GNA11: variants seen among roughly 807,000 people sequenced by gnomAD.
GNA11 encodes guanine nucleotide-binding protein subunit alpha-11.
GNA11 carries 8 observed loss-of-function variants against 38.2 expected under a neutral mutation model. That is an observed-to-expected ratio of 0.21 (90% confidence interval 0.12 to 0.38). The LOEUF is 0.38. Ranked by LOEUF, GNA11 falls within the 10% of genes least tolerant of loss-of-function variation. The pLI is 1.00. For synonymous variants in GNA11, 211 were observed against 221.4 expected (o/e 0.95, Z 0.42); for missense variants, 268 against 516.3 (o/e 0.52, Z 4.66).
At chr19:3,114,785 C>T (rs551950285) in intron 3 of GNA11, among the ~76,000 whole-genome samples, 159 bp from the exon 4 acceptor site, 3 of 152,300 alleles carry the variant, frequency 2.0e-5, no homozygotes, top group Admixed American at 6.5e-5. Context: ...TCCATTGGCC[C>T]GAGCCCTCCG....
Position 3,119,920 on chromosome 19 carries a change from G to A in GNA11, c.889+561G>A, listed in dbSNP as rs1914024448. 6.6e-6 allele frequency among the ~76,000 whole-genome samples: 1 copy of A among 151,986 alleles called. No individual in the cohort carries two copies. On this transcript the variant is annotated intron_variant, in intron 6 of 6. Transcript: ENST00000078429. This position sits in a 1 kb window ranked among gnomAD's most constrained non-coding sequence, Gnocchi z 4.6. ...CCCCTGCCCCACGGGGTGTGTCAGGGCAGCTGAGCACTGAGGGTCTTCACA... is the reference window on the plus strand; with the variant it reads ...CCCCTGCCCCACGGGGTGTGTCAGGACAGCTGAGCACTGAGGGTCTTCACA...
Position 3,123,556 on chromosome 19 carries a change from G to T in GNA11, c.*2377G>T. On this transcript the variant is annotated 3_prime_UTR_variant, in exon 7 of 7. Transcript: ENST00000078429. ...ATCTCACCTGCCAACGATTTCTCGT[G>T]AGTGCCGACCACCTTCTCCGACCAT... 4.3e-6 allele frequency: 1 copy of T among 233,224 alleles called. No individual in the cohort carries two copies. Among genetic ancestry groups the T allele is most frequent in the Non-Finnish European group, 8.5e-6 (1 of 118,002 alleles). 14.4% of individuals were successfully genotyped at this position (233,224 alleles called of 1,614,324 possible). A position where few individuals can be genotyped will look rare whatever the true frequency, so the allele number is the denominator to read the frequency against.
At chr19:3,112,854 C>G (rs922940591) in intron 2 of GNA11, among the ~76,000 whole-genome samples, 1 of 152,276 alleles carries the variant, frequency 6.6e-6, no homozygotes, top group African/African-American at 2.4e-5. Context: ...GCAGGCGATG[C>G]CGCTGGTTGC....
intron 3 of GNA11, among the ~76,000 whole-genome samples, 183 bp from the exon 4 acceptor site, chr19:3,114,761 C>A (rs959803102): frequency 6.6e-6 from 1 of 152,204 alleles, no homozygotes; most frequent in African/African-American, 2.4e-5. Flanking sequence ...GGCTCGTATC[C>A]CGACCCCAGG....
intron 1 of GNA11, among the ~76,000 whole-genome samples, chr19:3,105,523 CG>C (rs1408523528): frequency 6.6e-6 from 1 of 152,068 alleles, no homozygotes; most frequent in African/African-American, 2.4e-5. Context: ...CTCATGCGGA[CG>C]GGATCCCTCC....
chr19:3,098,854 C>T (rs1913434364), intron 1 of GNA11, among the ~76,000 whole-genome samples: 1 of 152,212 alleles, frequency 6.6e-6, no homozygotes, highest in African/African-American at 2.4e-5. Context: ...GCCAGGGAGA[C>T]GTGGGGACTT....
In GNA11 at chr19:3,110,575, C is replaced by G. The variant is rs1913749789; in HGVS notation, c.321+242C>G. ...GCCCCACAGCCTCCCTCCCAAGTAG[C>G]TGTGGGCGCCCACATCCTGTGGGTG... On this transcript the variant is annotated intron_variant, in intron 2 of 6. Coordinates refer to ENST00000078429, the MANE Select transcript of GNA11 (RefSeq NM_002067.5). The surrounding 1 kb of genome is among the most constrained non-coding windows in gnomAD (Gnocchi z 5.4). Among the ~76,000 whole-genome samples the G allele has an allele frequency of 6.6e-6, 1 of 152,130 alleles. No homozygotes were observed. Among genetic ancestry groups the G allele is most frequent in the Admixed American group, 6.5e-5 (1 of 15,292 alleles).
In GNA11 at chr19:3,122,691, G is replaced by C. The variant is rs1455828080; in HGVS notation, c.*1512G>C. The stretch of plus-strand genomic sequence containing the variant: ...GCTGCCTTCGCCCGCCGCCACACCG[G>C]GACCCTGCACGGCTGCTTCTGGCCT... On this transcript the variant is annotated 3_prime_UTR_variant, in exon 7 of 7. Coordinates refer to ENST00000078429, the MANE Select transcript of GNA11 (RefSeq NM_002067.5). This position sits in a 1 kb window ranked among gnomAD's most constrained non-coding sequence, Gnocchi z 7.7. 6 of 233,518 alleles carry C rather than the reference G, an allele frequency of 2.6e-5. No individual in the cohort carries two copies. The highest frequency in any genetic ancestry group is 1.1e-4 in the African/African-American group (5 of 45,352). 14.5% of individuals were successfully genotyped at this position (233,518 alleles called of 1,614,324 possible). A position where few individuals can be genotyped will look rare whatever the true frequency, so the allele number is the denominator to read the frequency against.
chr19:3,104,463 G>A (rs937644292), intron 1 of GNA11, among the ~76,000 whole-genome samples: 1 of 152,226 alleles, frequency 6.6e-6, no homozygotes, highest in African/African-American at 2.4e-5. Context: ...CAGGAACCAT[G>A]CTTGCACAGG....
Position 3,121,479 on chromosome 19 carries a change from GA to G in GNA11, c.*307del. On this transcript the variant is annotated 3_prime_UTR_variant, in exon 7 of 7. Transcript: ENST00000078429. Reference sequence around the variant, plus strand: ...TAAAAAAAAAAAAAAAAGAAAGAAAGAAAAAAAGCAACGAAACATAAAACAC... The same window carrying G: ...TAAAAAAAAAAAAAAAAGAAAGAAAGAAAAAAGCAACGAAACATAAAACAC... 4.0e-6 allele frequency: 1 copy of G among 249,624 alleles called. No homozygotes were observed. Among genetic ancestry groups the G allele is most frequent in the Non-Finnish European group, 7.6e-6 (1 of 132,138 alleles). 15.5% of individuals were successfully genotyped at this position (249,624 alleles called of 1,614,324 possible).
rs1028600506 is a variant in GNA11, at chr19:3,110,652, C to G, written c.321+319C>G. The stretch of plus-strand genomic sequence containing the variant: ...AGGCCCTGTGAGGTGAGCCACTCGC[C>G]CAGGTCGCCTTGGGAGTAAGCAGCG... On this transcript the variant is annotated intron_variant, in intron 2 of 6. Transcript: ENST00000078429. The surrounding 1 kb of genome is among the most constrained non-coding windows in gnomAD (Gnocchi z 5.4). Among the ~76,000 whole-genome samples, 1 of 152,184 alleles carries G rather than the reference C, an allele frequency of 6.6e-6. No individual in the cohort carries two copies. The highest frequency in any genetic ancestry group is 2.1e-4 in the South Asian group (1 of 4,830).
intron 1 of GNA11, among the ~76,000 whole-genome samples, chr19:3,107,045 TAACC>T (rs900514103): frequency 6.6e-6 from 1 of 152,210 alleles, no homozygotes; most frequent in African/African-American, 2.4e-5. Flanking sequence ...GACACCAGCC[TAACC>T]AACATGGAGA....
chr19:3,096,523 G>A (rs530238924), intron 1 of GNA11, among the ~76,000 whole-genome samples: 2 of 152,328 alleles, frequency 1.3e-5, no homozygotes, highest in Admixed American at 1.3e-4. Flanking sequence ...CCGGTCTTCT[G>A]TGCCTGCACT....
chr19:3,097,188 G>T (rs1184714955), intron 1 of GNA11, among the ~76,000 whole-genome samples: 1 of 149,874 alleles, frequency 6.7e-6, no homozygotes, highest in Non-Finnish European at 1.5e-5. Flanking sequence ...CTCCCCGGAA[G>T]GAAGGGGCTG....
Position 3,096,213 on chromosome 19 carries a change from C to T in GNA11, c.136+1426C>T, listed in dbSNP as rs926507605. ...TACAGAGGTGCCTTGGATGAAACGCCTTCCTGATTTTTTTCCCCAAACTTG... is the reference window on the plus strand; with the variant it reads ...TACAGAGGTGCCTTGGATGAAACGCTTTCCTGATTTTTTTCCCCAAACTTG... On this transcript the variant is annotated intron_variant, in intron 1 of 6. Coordinates refer to ENST00000078429, the MANE Select transcript of GNA11 (RefSeq NM_002067.5). 3.9e-5 allele frequency among the ~76,000 whole-genome samples: 6 copies of T among 152,202 alleles called. 1 individual carries two copies. The East Asian group carries it at 9.6e-4, about 24-fold the overall frequency.
rs1489478728 is a variant in GNA11, at chr19:3,103,591, G to A, written c.137-6558G>A. Among the ~76,000 whole-genome samples the A allele has an allele frequency of 2.2e-5, 3 of 137,102 alleles. No homozygotes were observed. The East Asian group carries it at 6.5e-4, about 29-fold the overall frequency. 89.9% of individuals were successfully genotyped at this position (137,102 alleles called of 152,430 possible). A position where few individuals can be genotyped will look rare whatever the true frequency, so the allele number is the denominator to read the frequency against. ...TTGTCACCCAGGCTGGAGTGCAGTGGTAGAATGTTTGCTCACCTCTGTCTC... is the reference window on the plus strand; with the variant it reads ...TTGTCACCCAGGCTGGAGTGCAGTGATAGAATGTTTGCTCACCTCTGTCTC... On this transcript the variant is annotated intron_variant, in intron 1 of 6. Coordinates refer to ENST00000078429, the MANE Select transcript of GNA11 (RefSeq NM_002067.5).
At position 3,113,579 on chromosome 19, in the gene GNA11, C is replaced by T. The variant is rs6510733; in HGVS notation, c.476+95C>T. 2.6e-3 allele frequency: 2,490 copies of T among 945,822 alleles called. 38 individuals are homozygous for T. In the African/African-American group the frequency reaches 0.035, roughly 13 times the overall value. 58.6% of individuals were successfully genotyped at this position (945,822 alleles called of 1,614,324 possible). On this transcript the variant is annotated intron_variant, in intron 3 of 6. Coordinates refer to ENST00000078429, the MANE Select transcript of GNA11 (RefSeq NM_002067.5). The stretch of plus-strand genomic sequence containing the variant: ...AGGCCTCCGCGGCGTCTGTGGTGCC[C>T]CCTGCCTGCTCGCCGGGGGCAGGGA...
intron 2 of GNA11, among the ~76,000 whole-genome samples, chr19:3,112,445 GT>G (rs1041988323): frequency 4.6e-5 from 7 of 152,344 alleles, no homozygotes; most frequent in African/African-American, 1.7e-4. Context: ...CACCCAGTAT[GT>G]CCCCTCCCCA....
At chr19:3,095,971 T>G (rs2238623) in intron 1 of GNA11, among the ~76,000 whole-genome samples, 8,288 of 152,154 alleles carry the variant, frequency 0.054, 308 homozygotes, top group African/African-American at 0.11. Context: ...ACAGAAGCTC[T>G]TGCCCTGCCC....
Sources: allele counts gnomAD v4.1 joint callset (sites outside exome capture counted in the v4.1 genomes callset), GRCh38; gene constraint gnomAD v4.1.1; non-coding constraint Gnocchi (gnomAD v3.1); transcripts MANE v1.5; gene names NCBI Gene and HGNC (gene_info 2026-07-23, HGNC 2026-07-21).